The following FREM2 variants were observed in gnomAD, a reference collection of about 807,000 sequenced individuals.
The protein encoded by FREM2 is FRAS1-related extracellular matrix protein 2.
In FREM2, 119 loss-of-function variants were observed where a neutral mutation model predicts 219.9. The observed-to-expected ratio is 0.54, with a 90% CI of 0.47 to 0.63. FREM2 has a LOEUF of 0.63. FREM2 is among the 30% of genes least tolerant of loss of function. The pLI is 0.00. For synonymous variants in FREM2, 1,562 were observed against 1,522.8 expected (o/e 1.03, Z -0.60); for missense variants, 4,030 against 3,993.6 (o/e 1.01, Z -0.25).
chr13:38,804,583 A>G (rs1219929756), intron 6 of FREM2, among the ~76,000 whole-genome samples: 1 of 152,186 alleles, frequency 6.6e-6, no homozygotes, highest in Non-Finnish European at 1.5e-5. Flanking sequence ...AAAAAGCTAA[A>G]CAAGAATAAT....
intron 4 of FREM2, among the ~76,000 whole-genome samples, chr13:38,770,270 C>T (rs1384808273): frequency 6.6e-6 from 1 of 150,830 alleles, no homozygotes; most frequent in South Asian, 2.1e-4. Flanking sequence ...GCTGCCCAGG[C>T]TGGTCTCAAA....
intron 2 of FREM2, among the ~76,000 whole-genome samples, chr13:38,722,750 T>TG (rs913682810): frequency 1.3e-5 from 2 of 151,522 alleles, no homozygotes; most frequent in African/African-American, 4.9e-5. Flanking sequence ...GTAACGTTTT[T>TG]TTTTTTTTTT....
At chr13:38,850,555 G>A (rs1347999657) in intron 9 of FREM2, among the ~76,000 whole-genome samples, 1 of 152,152 alleles carries the variant, frequency 6.6e-6, no homozygotes, top group Non-Finnish European at 1.5e-5. Flanking sequence ...TAAGTCAAAA[G>A]TTAATAATAC....
chr13:38,781,965 G>GC (rs1874135098), intron 4 of FREM2, among the ~76,000 whole-genome samples: 2 of 152,096 alleles, frequency 1.3e-5, no homozygotes, highest in Admixed American at 6.5e-5. Context: ...GGGAATAAAC[G>GC]CCTGGCCCAC....
intron 6 of FREM2, among the ~76,000 whole-genome samples, chr13:38,833,781 T>G (rs1346776701): frequency 6.6e-6 from 1 of 152,136 alleles, no homozygotes; most frequent in Non-Finnish European, 1.5e-5. Flanking sequence ...CACTCTTGAA[T>G]TTTGTTTTAG....
intron 6 of FREM2, among the ~76,000 whole-genome samples, chr13:38,840,600 T>C (rs1333784600): frequency 6.8e-6 from 1 of 146,016 alleles, no homozygotes; most frequent in African/African-American, 2.7e-5. Flanking sequence ...TCTCAAATAT[T>C]TTTTAACCTG....
intron 16 of FREM2, among the ~76,000 whole-genome samples, chr13:38,864,950 A>G (rs1877905801): frequency 6.6e-6 from 1 of 152,170 alleles, no homozygotes; most frequent in Non-Finnish European, 1.5e-5. Flanking sequence ...TTTTGTGTTT[A>G]TGTGTAGATG....
chr13:38,857,941 C>A lies in FREM2; in HGVS notation c.7123C>A (p.Pro2375Thr), dbSNP rs141905766. 1 of 1,613,580 alleles carries A rather than the reference C, an allele frequency of 6.2e-7. No homozygotes were observed. Among genetic ancestry groups the A allele is most frequent in the South Asian group, 1.1e-5 (1 of 91,070 alleles). The change falls in exon 13 of 24, where the codon CCT (proline) becomes ACT (threonine). Residue 2375 changes from proline (P) to threonine (T), a missense_variant. This residue lies in a region of FREM2 where 928 missense variants were observed against 1,042.9 expected (regional missense o/e 0.89). Transcript: ENST00000280481. Reference protein sequence around the residue: ...SMADVTFPSVPQIVSLLMYDD... With the variant: ...SMADVTFPSVTQIVSLLMYDD... ...GGCAGATGTCACTTTTCCTTCTGTC[C>A]CTCAAATTGTATCCCTGTTGATGTA...
chr13:38,835,327 A>G (rs1273358699), intron 6 of FREM2, among the ~76,000 whole-genome samples: 4 of 152,232 alleles, frequency 2.6e-5, no homozygotes, highest in Admixed American at 2.6e-4. Flanking sequence ...TGGTACCAGC[A>G]TCATGCTGTT....
chr13:38,807,491 T>C (rs1401275239), intron 6 of FREM2, among the ~76,000 whole-genome samples: 1 of 151,066 alleles, frequency 6.6e-6, no homozygotes, highest in Non-Finnish European at 1.5e-5. Context: ...ATGGCAGCTA[T>C]AGCCTTACAA....
intron 1 of FREM2, among the ~76,000 whole-genome samples, chr13:38,692,811 T>G (rs1869952359): frequency 6.6e-6 from 1 of 152,250 alleles, no homozygotes; most frequent in African/African-American, 2.4e-5. Context: ...TTTCCAATTC[T>G]GCTCCATTTG....
At chr13:38,823,891 C>T (rs750058900) in intron 6 of FREM2, among the ~76,000 whole-genome samples, 23 of 151,884 alleles carry the variant, frequency 1.5e-4, no homozygotes, top group East Asian at 5.8e-4. Flanking sequence ...AATTCTTCAA[C>T]GATAAAGACA....
intron 20 of FREM2, among the ~76,000 whole-genome samples, chr13:38,876,859 T>C (rs1043663865): frequency 2.0e-5 from 3 of 152,204 alleles, no homozygotes; most frequent in African/African-American, 7.2e-5. Flanking sequence ...GTCCTTTATA[T>C]ACCCCAATAA....
chr13:38,794,804 A>C (rs1415307728), intron 6 of FREM2, among the ~76,000 whole-genome samples: 2 of 152,186 alleles, frequency 1.3e-5, no homozygotes, highest in Non-Finnish European at 2.9e-5. Flanking sequence ...ATGGGGAGAA[A>C]GTCAAATTTC....
intron 6 of FREM2, among the ~76,000 whole-genome samples, chr13:38,837,563 T>C (rs1369232397): frequency 6.6e-6 from 1 of 152,178 alleles, no homozygotes; most frequent in Non-Finnish European, 1.5e-5. Flanking sequence ...ACTATTATTG[T>C]GTGGGAGTCT....
At chr13:38,879,092 A>G (rs1878453678) in intron 23 of FREM2, 115 bp downstream of exon 23, 11 of 984,796 alleles carry the variant, frequency 1.1e-5, no homozygotes, top group Non-Finnish European at 1.6e-5. Context: ...TATTGCATAC[A>G]GTTAATGGGA....
intron 16 of FREM2, among the ~76,000 whole-genome samples, chr13:38,870,408 A>T (rs949024708): frequency 1.3e-5 from 2 of 152,218 alleles, no homozygotes; most frequent in East Asian, 3.9e-4. Flanking sequence ...AGCAATAGGG[A>T]CATATGAAAT....
At chr13:38,729,411 G>T (rs976886731) in intron 2 of FREM2, among the ~76,000 whole-genome samples, 1 of 151,958 alleles carries the variant, frequency 6.6e-6, no homozygotes, top group Non-Finnish European at 1.5e-5. Context: ...TATAAATTTG[G>T]AATACTCTCA....
At chr13:38,711,798 C>T (rs752446913) in intron 2 of FREM2, among the ~76,000 whole-genome samples, 3 of 151,920 alleles carry the variant, frequency 2.0e-5, no homozygotes, top group African/African-American at 4.8e-5. Context: ...AATTTAAAAA[C>T]CTGGATTAAA....
Sources: gnomAD v4.1 joint callset for allele counts (sites outside exome capture counted in the v4.1 genomes callset) on GRCh38, gnomAD v4.1.1 for gene constraint, gnomAD v4.1.1 regional missense constraint, MANE v1.5 for transcripts, NCBI Gene and HGNC (gene_info 2026-07-23, HGNC 2026-07-21) for gene names.